Variants in ITGB1 observed in about 807,000 individuals in gnomAD.
ITGB1 encodes integrin subunit beta 1.
In ITGB1, 24 loss-of-function variants were observed where a neutral mutation model predicts 86.5. The ratio of observed to expected loss-of-function variants is 0.28; its 90% CI spans 0.20 to 0.39. The LOEUF is 0.39. Among genes scored for constraint, ITGB1 ranks in the 10% least tolerant of loss-of-function variants. The pLI, the probability that ITGB1 is intolerant of heterozygous loss-of-function variation, is 1.00. For missense variants in ITGB1, 556 were observed against 946.9 expected, an observed-to-expected ratio of 0.59 and a Z score of 5.42; for synonymous variants, 323 against 316.8, an observed-to-expected ratio of 1.02 and a Z score of -0.21.
At chr10:32,911,865 C>A in intron 12 of ITGB1, 21 bp downstream of exon 12, 1 of 1,579,300 alleles carries the variant, frequency 6.3e-7, no homozygotes, top group Non-Finnish European at 8.7e-7. Flanking sequence ...ATCTTACAAC[C>A]ACTTCAGGCC....
chr10:32,909,173 A>G (rs1467180906), intron 14 of ITGB1, among the ~76,000 whole-genome samples: 4 of 152,222 alleles, frequency 2.6e-5, no homozygotes, highest in African/African-American at 9.6e-5. Flanking sequence ...GCTAACACTC[A>G]GATACATGGA....
In ITGB1 at chr10:32,929,943, G is replaced by A. The variant is rs939179484; in HGVS notation, c.255C>T (p.Gly85=). 2 of 1,531,624 alleles carry A rather than the reference G, an allele frequency of 1.3e-6. No homozygotes were observed. The highest frequency in any genetic ancestry group is 1.4e-5 in the African/African-American group (1 of 73,322). The allele number at this position is 1,531,624 out of a possible 1,614,324, so 94.9% of individuals were successfully genotyped here. ...TTTTATTTTTCTTTATATCTTTGGA[G>A]CCTCTGGGATTTTCTATGTCATCTG... ...CPPDDIENPR[G]SKDIKKNKNV... Residue 85 remains glycine (G), a synonymous_variant, in exon 4 of 16, where the codon GGC becomes GGT. Coordinates refer to ENST00000302278, the MANE Select transcript of ITGB1 (RefSeq NM_002211.4).
intron 2 of ITGB1, 194 bp from the exon 3 acceptor site, chr10:32,932,794 G>A (rs12412565): frequency 0.086 from 40,896 of 475,964 alleles, 2,728 homozygotes; most frequent in South Asian, 0.24. Flanking sequence ...GGGTAAATAG[G>A]TGTATACATG....
rs201075196 is a variant in ITGB1 at position 32,920,377 on chromosome 10, G to A, written c.1137C>T (p.Ser379=). The A allele has an allele frequency of 7.5e-5, 121 of 1,613,052 alleles. No homozygotes were observed. The highest frequency in any genetic ancestry group is 9.7e-5 in the Non-Finnish European group (114 of 1,179,540). ...QLIIDAYNSL[S]SEVILENGKL... ...TGCCGTTTTCCAAAATGACTTCTGA[G>A]GAAAGGGACTAAAAGAATGCCTAAT... The change falls in exon 10 of 16, where the codon TCC becomes TCT. Residue 379 remains serine, a synonymous_variant. Coordinates refer to ENST00000302278, the MANE Select transcript of ITGB1 (RefSeq NM_002211.4).
chr10:32,942,804 C>T (rs1593882882), intron 1 of ITGB1, among the ~76,000 whole-genome samples: 1 of 151,798 alleles, frequency 6.6e-6, no homozygotes, highest in East Asian at 1.9e-4. Context: ...CCCATCTCAG[C>T]CTCCCAAGTA....
At chr10:32,902,687 A>G (rs184450955) in intron 15 of ITGB1, among the ~76,000 whole-genome samples, 30 of 152,336 alleles carry the variant, frequency 2.0e-4, no homozygotes, top group African/African-American at 7.2e-4. Context: ...TTAAAAAAAT[A>G]TTTATAGAAA....
intron 11 of ITGB1, among the ~76,000 whole-genome samples, chr10:32,918,954 G>C (rs114801888): frequency 6.6e-6 from 1 of 152,098 alleles, no homozygotes; most frequent in African/African-American, 2.4e-5. Flanking sequence ...AATGCTCATG[G>C]ACACTGACTG....
At chr10:32,957,556 G>A (rs1349409224) in intron 1 of ITGB1, among the ~76,000 whole-genome samples, 2 of 152,026 alleles carry the variant, frequency 1.3e-5, no homozygotes, top group East Asian at 1.9e-4. Context: ...CCCGGCTCCC[G>A]CCGCCCCCGC....
chr10:32,911,402 G>A (rs944559072), intron 13 of ITGB1, 46 bp downstream of exon 13: 2 of 1,508,906 alleles, frequency 1.3e-6, no homozygotes, highest in African/African-American at 2.7e-5. Flanking sequence ...GCTTAGGAGA[G>A]CCAAGAGGAA....
intron 6 of ITGB1, among the ~76,000 whole-genome samples, chr10:32,924,168 C>T (rs566590537): frequency 6.6e-6 from 1 of 152,266 alleles, no homozygotes; most frequent in South Asian, 2.1e-4. Flanking sequence ...CCCCATCCAC[C>T]CATCTCTGCT....
chr10:32,945,711 C>T (rs1193075004), intron 1 of ITGB1, among the ~76,000 whole-genome samples: 1 of 151,998 alleles, frequency 6.6e-6, no homozygotes, highest in Non-Finnish European at 1.5e-5. Context: ...AGATTAATGC[C>T]ACATTTCTAG....
Position 32,944,879 on chromosome 10 carries a change from C to A in ITGB1, c.1-9321G>T, listed in dbSNP as rs1593884633. On this transcript the variant is annotated intron_variant, in intron 1 of 15. Coordinates refer to ENST00000302278, the MANE Select transcript of ITGB1 (RefSeq NM_002211.4). ...TCTCATTCAGCATGAGGATGATAAA[C>A]CAGAGACGGTTATCAAAAGACTAAA... 3.0e-6 allele frequency: 4 copies of A among 1,334,454 alleles called. No homozygotes were observed. In the South Asian group the frequency reaches 4.7e-5, roughly 16 times the overall value. 82.7% of individuals were successfully genotyped at this position (1,334,454 alleles called of 1,614,324 possible).
At chr10:32,944,193 C>G (rs749326189) in intron 1 of ITGB1, among the ~76,000 whole-genome samples, 2 of 152,222 alleles carry the variant, frequency 1.3e-5, no homozygotes, top group African/African-American at 4.8e-5. Flanking sequence ...GAAAGACACA[C>G]GAGGTTTCCA....
chr10:32,908,776 G>C (rs973780677), intron 14 of ITGB1, among the ~76,000 whole-genome samples: 5 of 152,030 alleles, frequency 3.3e-5, no homozygotes, highest in African/African-American at 1.2e-4. Context: ...TTTTTAAACA[G>C]TAATATTTAC....
intron 4 of ITGB1, among the ~76,000 whole-genome samples, chr10:32,929,086 C>A (rs2137223127): frequency 6.6e-6 from 1 of 152,032 alleles, no homozygotes; most frequent in South Asian, 2.1e-4. Flanking sequence ...AGAAAAAAGA[C>A]ACAAAAAGAG....
chr10:32,911,941 T>C lies in ITGB1; in HGVS notation c.1653A>G (p.Lys551=). Residue 551 remains lysine (K), a synonymous_variant, in exon 12 of 16, where the codon AAA becomes AAG. Transcript: ENST00000302278. Reference sequence around the variant, plus strand: ...AGTTGAAATTATCACACTCGCAGAATTTGCCAGAATAAATTTCATTTGTAT... The same window carrying C: ...AGTTGAAATTATCACACTCGCAGAACTTGCCAGAATAAATTTCATTTGTAT... ...RDNTNEIYSG[K]FCECDNFNCD... 1.9e-6 allele frequency: 3 copies of C among 1,614,078 alleles called. No individual in the cohort carries two copies. The highest frequency in any genetic ancestry group is 2.5e-6 in the Non-Finnish European group (3 of 1,180,008).
At chr10:32,944,194 G>A (rs992685502) in intron 1 of ITGB1, among the ~76,000 whole-genome samples, 2 of 152,216 alleles carry the variant, frequency 1.3e-5, no homozygotes, top group South Asian at 2.1e-4. Flanking sequence ...AAAGACACAC[G>A]AGGTTTCCAG....
intron 15 of ITGB1, chr10:32,907,211 A>G: frequency 2.0e-6 from 1 of 509,620 alleles, no homozygotes; most frequent in Admixed American, 3.4e-5. Context: ...GTGTTTGAAC[A>G]CTATAAATGT....
intron 1 of ITGB1, chr10:32,945,078 C>G (rs1423118195): frequency 8.5e-6 from 4 of 469,862 alleles, no homozygotes; most frequent in Non-Finnish European, 1.2e-5. Flanking sequence ...TTCCTAAGAC[C>G]TCCAGCATGT....
Sources: allele counts gnomAD v4.1 joint callset (sites outside exome capture counted in the v4.1 genomes callset), GRCh38; gene constraint gnomAD v4.1.1; transcripts MANE v1.5; gene names NCBI Gene and HGNC (gene_info 2026-07-23, HGNC 2026-07-21).